The following HMCN2 variants were observed in gnomAD, a reference collection of about 807,000 sequenced individuals.
HMCN2 encodes hemicentin 2.
Under a neutral mutation model 377.5 loss-of-function variants are expected in HMCN2, and 325 were observed. The ratio of observed to expected loss-of-function variants is 0.86; its 90% CI spans 0.79 to 0.94. HMCN2 has a LOEUF of 0.94. HMCN2 is among the 40% of genes least tolerant of loss of function. The probability of loss-of-function intolerance (pLI) is 0.00; values close to 1 mark genes in which losing one functional copy is unlikely to be tolerated. For synonymous variants in HMCN2, 2,007 were observed against 2,046.8 expected (o/e 0.98, Z 0.53); for missense variants, 4,543 against 4,725.3 (o/e 0.96, Z 1.13).
At position 130,418,948 on chromosome 9, in the gene HMCN2, G is replaced by A. The variant is rs747466180; in HGVS notation, c.13138G>A (p.Glu4380Lys). ...CCTGCCCGATGGGAGCCTGTGGCTG[G>A]AGAACGTGGAGACTGGGGATGCAGG... Reference protein sequence around the residue: ...RTLPDGSLWLENVETGDAGTY... With the variant: ...RTLPDGSLWLKNVETGDAGTY... The change falls in exon 86 of 98, where the codon GAG (glutamate) becomes AAG (lysine). Residue 4380 changes from glutamate to lysine, a missense_variant. By Grantham distance (56) the Glu-to-Lys change is moderately conservative (BLOSUM62 1). Coordinates refer to ENST00000683500, the MANE Select transcript of HMCN2 (RefSeq NM_001291815.2). 1.2e-4 allele frequency: 192 copies of A among 1,537,110 alleles called. No individual in the cohort carries two copies. Among genetic ancestry groups the A allele is most frequent in the Non-Finnish European group, 1.5e-4 (168 of 1,139,808 alleles).
chr9:130,368,880 CCT>C (rs1313625901), intron 44 of HMCN2, among the ~76,000 whole-genome samples: 1 of 152,126 alleles, frequency 6.6e-6, no homozygotes, highest in Non-Finnish European at 1.5e-5. Flanking sequence ...CCACCAGGTC[CCT>C]CTCTCTGCAC....
At chr9:130,383,668 C>T (rs1016906774) in intron 57 of HMCN2, 68 bp downstream of exon 57, 14 of 700,940 alleles carry the variant, frequency 2.0e-5, no homozygotes, top group Non-Finnish European at 2.3e-5. Context: ...TGCCTTGGGG[C>T]TTCCAGTATC....
chr9:130,279,417 G>T (rs1325936525), intron 1 of HMCN2, among the ~76,000 whole-genome samples: 2 of 151,906 alleles, frequency 1.3e-5, no homozygotes, highest in African/African-American at 4.8e-5. Context: ...CGGTGTCACA[G>T]TCTCGGCTTC....
intron 30 of HMCN2, among the ~76,000 whole-genome samples, chr9:130,352,709 C>G (rs1339138251): frequency 6.6e-6 from 1 of 151,994 alleles, no homozygotes. Context: ...TGTGGCCCCG[C>G]CCCCACCTCC....
intron 7 of HMCN2, among the ~76,000 whole-genome samples, chr9:130,298,438 T>C (rs1487146761): frequency 1.3e-5 from 2 of 152,152 alleles, no homozygotes; most frequent in Non-Finnish European, 2.9e-5. Context: ...GTGGGAGTAT[T>C]GCTTGAGCCC....
At chr9:130,411,924 A>G (rs902664885) in intron 85 of HMCN2, among the ~76,000 whole-genome samples, 1 of 150,580 alleles carries the variant, frequency 6.6e-6, no homozygotes, top group African/African-American at 2.4e-5. Flanking sequence ...ACACTTACAA[A>G]TGGTTCAATG....
intron 15 of HMCN2, among the ~76,000 whole-genome samples, chr9:130,314,374 C>A (rs956413684): frequency 6.6e-6 from 1 of 152,174 alleles, no homozygotes; most frequent in Non-Finnish European, 1.5e-5. Flanking sequence ...CTTTTAAAAT[C>A]AGAATTAAAA....
At chr9:130,421,699 G>A (rs911780358) in intron 86 of HMCN2, among the ~76,000 whole-genome samples, 1 of 152,140 alleles carries the variant, frequency 6.6e-6, no homozygotes, top group East Asian at 1.9e-4. Flanking sequence ...CCAGAGCATC[G>A]GATACTGATG....
intron 89 of HMCN2, 109 bp from the exon 90 acceptor site, chr9:130,425,578 G>A: frequency 1.2e-6 from 1 of 818,458 alleles, no homozygotes; most frequent in South Asian, 1.7e-5. Context: ...AAGGGTCTCA[G>A]GCTGCTTGGG....
intron 29 of HMCN2, among the ~76,000 whole-genome samples, chr9:130,349,888 C>CTTTTT (rs760662723): frequency 1.1e-5 from 1 of 91,306 alleles, no homozygotes; most frequent in Non-Finnish European, 2.1e-5. Flanking sequence ...TTAGCCTTTC[C>CTTTTT]TTTTTTTTTT....
intron 77 of HMCN2, among the ~76,000 whole-genome samples, chr9:130,401,753 G>A (rs2131717520): frequency 6.6e-6 from 1 of 152,134 alleles, no homozygotes; most frequent in South Asian, 2.1e-4. Flanking sequence ...CCAAACCTGT[G>A]ATTTTCAAAC....
At position 130,362,830 on chromosome 9, in the gene HMCN2, A is replaced by T. The variant is rs543057635; in HGVS notation, c.6109-37A>T. On this transcript the variant is annotated intron_variant, in intron 39 of 97. Coordinates refer to ENST00000683500, the MANE Select transcript of HMCN2 (RefSeq NM_001291815.2). ...GCCCCTTGGGGCCTGCAACAGCAGGACAGTTGCCTAATTTGGGCTTCCCCC... is the reference window on the plus strand; with the variant it reads ...GCCCCTTGGGGCCTGCAACAGCAGGTCAGTTGCCTAATTTGGGCTTCCCCC... 8.1e-6 allele frequency: 8 copies of T among 985,774 alleles called. No homozygotes were observed. The South Asian group carries it at 3.8e-4, about 46-fold the overall frequency. The allele number at this position is 985,774 out of a possible 1,614,324, so 61.1% of individuals were successfully genotyped here.
chr9:130,396,174 C>T lies in HMCN2; in HGVS notation c.11059C>T (p.Pro3687Ser), dbSNP rs772656491. ...CCCTCTGTGCCCCTCCCCAGCGGTG[C>T]CCACCATCCGGTCAGGACCACCTGC... Reference protein sequence around the residue: ...VAFRVEIHTVPTIRSGPPAVN... With the variant: ...VAFRVEIHTVSTIRSGPPAVN... Residue 3687 changes from proline to serine, a missense_variant, in exon 73 of 98, where the codon CCC becomes TCC. Transcript: ENST00000683500. 2.4e-6 allele frequency: 3 copies of T among 1,270,722 alleles called. No individual in the cohort carries two copies. Among genetic ancestry groups the T allele is most frequent in the Admixed American group, 4.7e-5 (2 of 42,856 alleles). The allele number at this position is 1,270,722 out of a possible 1,614,324, so 78.7% of individuals were successfully genotyped here.
In HMCN2 at chr9:130,356,230, G is replaced by A. The variant is rs903826196; in HGVS notation, c.5398G>A (p.Gly1800Arg). ...GGCCACCAATGAGGCGGGCACTGCCGGGGCCGAGGTGGAGGTGTCTGTGCA... is the reference window on the plus strand; with the variant it reads ...GGCCACCAATGAGGCGGGCACTGCCAGGGCCGAGGTGGAGGTGTCTGTGCA... ...CQATNEAGTA[G>R]AEVEVSVHEF... Residue 1800 changes from glycine to arginine, a missense_variant, in exon 34 of 98, where the codon GGG becomes AGG. This residue lies in a region of HMCN2 where 1,032 missense variants were observed against 1,285.1 expected (regional missense o/e 0.80). Transcript: ENST00000683500. 3.1e-6 allele frequency: 4 copies of A among 1,301,350 alleles called. No homozygotes were observed. In the African/African-American group the frequency reaches 4.6e-5, roughly 15 times the overall value. The allele number at this position is 1,301,350 out of a possible 1,614,324, so 80.6% of individuals were successfully genotyped here. A position where few individuals can be genotyped will look rare whatever the true frequency, so the allele number is the denominator to read the frequency against.
intron 84 of HMCN2, 114 bp from the exon 85 acceptor site, chr9:130,410,457 G>T: frequency 1.2e-6 from 1 of 858,010 alleles, no homozygotes. Context: ...GCCCCTGGCT[G>T]GTTCACAGCC....
At chr9:130,430,719 T>C (rs1421511064) in intron 95 of HMCN2, 115 bp downstream of exon 95, 17 of 975,494 alleles carry the variant, frequency 1.7e-5, no homozygotes, top group Non-Finnish European at 2.5e-5. Context: ...TCCAGGCAAG[T>C]GGGGTGAGTG....
Position 130,356,102 on chromosome 9 carries a change from G to A in HMCN2, c.5270G>A (p.Gly1757Asp). ...PVPTIQWLQN[G>D]RPAEELAGVQ... ...ACTCACCTTAGGTGGCTGCAGAATG[G>A]CCGCCCAGCCGAGGAGCTGGCTGGG... is the stretch of plus-strand genomic sequence containing the variant. Residue 1757 changes from glycine to aspartate, a missense_variant, in exon 34 of 98, where the codon GGC becomes GAC. By Grantham distance (94) the Gly-to-Asp change is moderately conservative (BLOSUM62 -1). This residue lies in a region of HMCN2 where 1,032 missense variants were observed against 1,285.1 expected (regional missense o/e 0.80). Transcript: ENST00000683500. 7.8e-7 allele frequency: 1 copy of A among 1,289,728 alleles called. No homozygotes were observed. The highest frequency in any genetic ancestry group is 1.0e-6 in the Non-Finnish European group (1 of 984,512). The allele number at this position is 1,289,728 out of a possible 1,614,324, so 79.9% of individuals were successfully genotyped here. A position where few individuals can be genotyped will look rare whatever the true frequency, so the allele number is the denominator to read the frequency against.
In HMCN2 at chr9:130,304,801, C is replaced by G. The variant is rs112964236; in HGVS notation, c.1615C>G (p.Arg539Gly). The change falls in exon 11 of 98, where the codon CGG (arginine) becomes GGG (glycine). Residue 539 changes from arginine to glycine, a missense_variant. Physicochemically the swap from Arg to Gly is moderately radical, Grantham distance 125. Transcript: ENST00000683500. The surrounding 1 kb of genome is among the most constrained non-coding windows in gnomAD (Gnocchi z 4.3). ...AGGGGAGACTGCCGTCCTATCCTGCCGGGTCCTAGGCGAGGCCCCCTACAA... is the reference window on the plus strand; with the variant it reads ...AGGGGAGACTGCCGTCCTATCCTGCGGGGTCCTAGGCGAGGCCCCCTACAA... Reference protein sequence around the residue: ...SPGETAVLSCRVLGEAPYNLT... With the variant: ...SPGETAVLSCGVLGEAPYNLT... 1 of 471,248 alleles carries G rather than the reference C, an allele frequency of 2.1e-6. No homozygotes were observed. Among genetic ancestry groups the G allele is most frequent in the Non-Finnish European group, 4.4e-6 (1 of 227,064 alleles). 29.2% of individuals were successfully genotyped at this position (471,248 alleles called of 1,614,324 possible).
chr9:130,289,715 C>A (rs1554929333), intron 4 of HMCN2, among the ~76,000 whole-genome samples: 1 of 152,168 alleles, frequency 6.6e-6, no homozygotes, highest in African/African-American at 2.4e-5. Flanking sequence ...TCAGTTCCAT[C>A]AATGCCCCCT....
Sources: allele counts gnomAD v4.1 joint callset (sites outside exome capture counted in the v4.1 genomes callset), GRCh38; gene constraint gnomAD v4.1.1; regional missense constraint gnomAD v4.1.1; non-coding constraint Gnocchi (gnomAD v3.1); transcripts MANE v1.5; gene names NCBI Gene and HGNC (gene_info 2026-07-23, HGNC 2026-07-21).